Variants in PPP1R16B observed in about 807,000 individuals in gnomAD.
PPP1R16B encodes protein phosphatase 1 regulatory inhibitor subunit 16B.
PPP1R16B carries 14 observed loss-of-function variants against 61.7 expected under a neutral mutation model. The observed-to-expected ratio is 0.23, with a 90% CI of 0.15 to 0.35. PPP1R16B has a LOEUF of 0.35. Ranked by LOEUF, PPP1R16B falls within the 10% of genes least tolerant of loss-of-function variation. The pLI is 1.00. For missense variants in PPP1R16B, 547 were observed against 752.5 expected (o/e 0.73, Z 3.19); for synonymous variants, 266 against 305.3 (o/e 0.87, Z 1.34).
chr20:38,836,923 C>T (rs1290020444), intron 2 of PPP1R16B, among the ~76,000 whole-genome samples: 4 of 152,346 alleles, frequency 2.6e-5, no homozygotes, highest in East Asian at 1.9e-4. Context: ...ACCACAAATA[C>T]TTACAGACAC....
At position 38,836,071 on chromosome 20, in the gene PPP1R16B, G is replaced by A. The variant is rs867665866; in HGVS notation, c.146G>A (p.Arg49Gln). ...QYEQDLQHRKRKHERKRSTGG... is the reference protein window; with the variant it reads ...QYEQDLQHRKQKHERKRSTGG... ...GAGCAGGACTTGCAGCACCGCAAGC[G>A]AAAGCATGAGCGGAAGCGCAGCACG... The change falls in exon 2 of 11, where the codon CGA becomes CAA. Residue 49 changes from arginine to glutamine, a missense_variant. Physicochemically the swap from Arg to Gln is conservative, Grantham distance 43. Transcript: ENST00000299824. The A allele has an allele frequency of 6.2e-7, 1 of 1,611,558 alleles. No individual in the cohort carries two copies. The highest frequency in any genetic ancestry group is 8.5e-7 in the Non-Finnish European group (1 of 1,179,510).
intron 10 of PPP1R16B, among the ~76,000 whole-genome samples, chr20:38,912,771 A>G (rs1218428760): frequency 6.6e-6 from 1 of 152,196 alleles, no homozygotes; most frequent in Non-Finnish European, 1.5e-5. Flanking sequence ...CACTTATTTG[A>G]GGAATAATTT....
At chr20:38,828,141 C>T (rs953233928) in intron 1 of PPP1R16B, among the ~76,000 whole-genome samples, 1 of 152,166 alleles carries the variant, frequency 6.6e-6, no homozygotes, top group Non-Finnish European at 1.5e-5. Flanking sequence ...TTGTTTTTCT[C>T]GAGGCACTAG....
At chr20:38,831,872 G>T (rs951313949) in intron 1 of PPP1R16B, among the ~76,000 whole-genome samples, 1 of 152,254 alleles carries the variant, frequency 6.6e-6, no homozygotes, top group African/African-American at 2.4e-5. Context: ...GCCACAAGTG[G>T]CTCATCACTG....
chr20:38,867,410 C>T (rs887816235), intron 2 of PPP1R16B, among the ~76,000 whole-genome samples: 2 of 152,180 alleles, frequency 1.3e-5, no homozygotes, highest in Non-Finnish European at 2.9e-5. Context: ...GGATCTGGAG[C>T]GAGACCATCT....
In PPP1R16B at chr20:38,816,496, T is replaced by C. The variant is rs142067865; in HGVS notation, c.-102+10704T>C. Among the ~76,000 whole-genome samples the C allele has an allele frequency of 4.1e-4, 63 of 152,314 alleles. No individual in the cohort carries two copies. The East Asian group carries it at 0.011, about 26-fold the overall frequency. ...TGAATGAACATCAAACATCTGTCTA[T>C]GTATTGTAAAGGGACCTCCTTCTCA... On this transcript the variant is annotated intron_variant, in intron 1 of 10. Transcript: ENST00000299824.
chr20:38,893,567 AGGGAGGAAGT>A (rs933410321), intron 3 of PPP1R16B, among the ~76,000 whole-genome samples: 3 of 140,212 alleles, frequency 2.1e-5, no homozygotes, highest in Admixed American at 1.4e-4. Context: ...GAAGCTGGGA[AGGGAGGAAGT>A]GGGAGGAGGC....
chr20:38,917,620 GACTTAC>G (rs2085552944), intron 10 of PPP1R16B, among the ~76,000 whole-genome samples: 1 of 152,148 alleles, frequency 6.6e-6, no homozygotes, highest in Non-Finnish European at 1.5e-5. Context: ...AACTCAAATG[GACTTAC>G]ACACAAGGAA....
At chr20:38,916,948 G>T (rs1005725543) in intron 10 of PPP1R16B, among the ~76,000 whole-genome samples, 34 of 151,988 alleles carry the variant, frequency 2.2e-4, no homozygotes, top group African/African-American at 7.0e-4. Flanking sequence ...TTTTGCTGTG[G>T]GCTACATATT....
chr20:38,899,873 T>G (rs1305477642), intron 4 of PPP1R16B, among the ~76,000 whole-genome samples: 2 of 151,942 alleles, frequency 1.3e-5, no homozygotes, highest in African/African-American at 4.8e-5. Context: ...CTTGGCTCAC[T>G]GCAACCTCTG....
In PPP1R16B at chr20:38,907,307, GTGGGTGGA is replaced by G. The variant is rs1194899680; in HGVS notation, c.898+257_898+264del. ...GAGGTCTGGTTGAATGGATGGGTGG[GTGGGTGGA>G]TGGATGGATGGATGGATGGATGGAT... On this transcript the variant is annotated intron_variant, in intron 8 of 10. Transcript: ENST00000299824. This position sits in a 1 kb window ranked among gnomAD's most constrained non-coding sequence, Gnocchi z 4.5. 7.2e-6 allele frequency among the ~76,000 whole-genome samples: 1 copy of G among 139,170 alleles called. No individual in the cohort carries two copies. Among genetic ancestry groups the G allele is most frequent in the Non-Finnish European group, 1.5e-5 (1 of 64,706 alleles). 91.3% of individuals were successfully genotyped at this position (139,170 alleles called of 152,430 possible).
intron 2 of PPP1R16B, among the ~76,000 whole-genome samples, chr20:38,852,768 T>TTTTTGGGGG (rs1601257219): frequency 1.6e-5 from 1 of 62,336 alleles, no homozygotes; most frequent in Non-Finnish European, 3.0e-5. Flanking sequence ...TTTTTTTTTT[T>TTTTTGGGGG]GCGGGGGGTG....
At chr20:38,834,827 CAT>C (rs760648352) in intron 1 of PPP1R16B, among the ~76,000 whole-genome samples, 7 of 151,638 alleles carry the variant, frequency 4.6e-5, no homozygotes, top group African/African-American at 9.7e-5. Context: ...AAAAGCATAA[CAT>C]ATAATATATA....
intron 1 of PPP1R16B, among the ~76,000 whole-genome samples, chr20:38,820,110 A>G (rs554975772): frequency 3.3e-4 from 51 of 152,310 alleles, no homozygotes; most frequent in Non-Finnish European, 6.2e-4. Flanking sequence ...GTAATTGTAT[A>G]TTGTTCATTC....
intron 4 of PPP1R16B, among the ~76,000 whole-genome samples, chr20:38,896,937 G>A (rs200983503): frequency 2.6e-5 from 4 of 151,872 alleles, no homozygotes; most frequent in Admixed American, 6.6e-5. Context: ...ACCTGAGGTC[G>A]GGAGTTCGAG....
At chr20:38,826,418 C>T (rs1279918723) in intron 1 of PPP1R16B, among the ~76,000 whole-genome samples, 1 of 152,184 alleles carries the variant, frequency 6.6e-6, no homozygotes, top group Non-Finnish European at 1.5e-5. Flanking sequence ...TCCCCTACGG[C>T]CTTCTCCACA....
At chr20:38,877,952 G>GT (rs34151516) in intron 2 of PPP1R16B, among the ~76,000 whole-genome samples, 592 of 57,824 alleles carry the variant, frequency 0.01, 105 homozygotes, top group East Asian at 0.013. Context: ...GCACACAGTT[G>GT]TTTTTTTTTT....
intron 2 of PPP1R16B, among the ~76,000 whole-genome samples, chr20:38,857,008 G>T (rs965833467): frequency 5.3e-5 from 8 of 152,214 alleles, no homozygotes; most frequent in African/African-American, 1.7e-4. Flanking sequence ...CAATTCAAAT[G>T]CTCATGGTCC....
chr20:38,912,875 T>C (rs922997064), intron 10 of PPP1R16B, among the ~76,000 whole-genome samples: 1 of 152,188 alleles, frequency 6.6e-6, no homozygotes, highest in Non-Finnish European at 1.5e-5. Flanking sequence ...TTTTTGTTTT[T>C]TTCCTCTGAG....
Sources: gnomAD v4.1 joint callset for allele counts (sites outside exome capture counted in the v4.1 genomes callset) on GRCh38, gnomAD v4.1.1 for gene constraint, Gnocchi (gnomAD v3.1) non-coding constraint, MANE v1.5 for transcripts, NCBI Gene and HGNC (gene_info 2026-07-23, HGNC 2026-07-21) for gene names.